POMK: variants seen among roughly 807,000 people sequenced by gnomAD.
The protein encoded by POMK is protein O-mannose kinase, also known as Sugen kinase 196.
POMK carries 19 observed loss-of-function variants against 23.0 expected under a neutral mutation model. The observed-to-expected ratio is 0.83, with a 90% CI of 0.58 to 1.21. The LOEUF (loss-of-function observed/expected upper bound fraction) is 1.21. POMK is among the 50% of genes most tolerant of loss of function. The pLI is 0.00. For missense variants in POMK, 410 were observed against 431.3 expected (o/e 0.95, Z 0.44); for synonymous variants, 173 against 171.6 (o/e 1.01, Z -0.06).
intron 2 of POMK, among the ~76,000 whole-genome samples, chr8:43,101,113 C>T (rs1165351475): frequency 4.6e-5 from 7 of 151,786 alleles, no homozygotes; most frequent in Admixed American, 6.6e-5. Context: ...TGAGTAGAGC[C>T]GTGGAGGGGA....
intron 1 of POMK, among the ~76,000 whole-genome samples, chr8:43,094,005 G>C (rs1811279515): frequency 6.6e-6 from 1 of 152,276 alleles, no homozygotes; most frequent in African/African-American, 2.4e-5. Flanking sequence ...GAACCCGGCG[G>C]GGGCGGAGGT....
At chr8:43,110,770 C>T (rs1026738676) in intron 4 of POMK, among the ~76,000 whole-genome samples, 3 of 152,064 alleles carry the variant, frequency 2.0e-5, no homozygotes, top group Non-Finnish European at 4.4e-5. Context: ...TAATATTAGC[C>T]GGGCGTTGTG....
intron 4 of POMK, among the ~76,000 whole-genome samples, chr8:43,113,895 G>A (rs1490141155): frequency 2.0e-5 from 3 of 152,224 alleles, no homozygotes; most frequent in Non-Finnish European, 2.9e-5. Flanking sequence ...TGTTTGCCTG[G>A]GTACCAGCAG....
intron 4 of POMK, among the ~76,000 whole-genome samples, chr8:43,114,497 T>C: frequency 6.6e-6 from 1 of 152,232 alleles, no homozygotes; most frequent in East Asian, 1.9e-4. Flanking sequence ...GCCCTGATTT[T>C]CCAGGTGCCG....
Position 43,122,351 on chromosome 8 carries a change from A to C in POMK, c.527A>C (p.Gln176Pro), listed in dbSNP as rs756972141. The change falls in exon 5 of 5, where the codon CAG becomes CCG. Residue 176 changes from glutamine to proline, a missense_variant. Transcript: ENST00000331373. ...AAGTACCAAAATGTGAACACGTGGCAGCACAGGCTGGAGCTGGCCATGGAC... is the reference window on the plus strand; with the variant it reads ...AAGTACCAAAATGTGAACACGTGGCCGCACAGGCTGGAGCTGGCCATGGAC... Reference protein sequence around the residue: ...LSKYQNVNTWQHRLELAMDYV... With the variant: ...LSKYQNVNTWPHRLELAMDYV... The C allele has an allele frequency of 6.2e-7, 1 of 1,614,242 alleles. No homozygotes were observed. Among genetic ancestry groups the C allele is most frequent in the East Asian group, 2.2e-5 (1 of 44,886 alleles).
chr8:43,118,313 ATG>A (rs1450956517), intron 4 of POMK, among the ~76,000 whole-genome samples: 1 of 152,210 alleles, frequency 6.6e-6, no homozygotes, highest in Non-Finnish European at 1.5e-5. Context: ...CAATGTATGT[ATG>A]TTATAACGCC....
intron 4 of POMK, among the ~76,000 whole-genome samples, chr8:43,105,329 C>T (rs140611131): frequency 1.2e-3 from 181 of 152,324 alleles, no homozygotes; most frequent in African/African-American, 4.2e-3. Context: ...CTCTGCCTAT[C>T]CTCGCCTTTG....
rs961206326 is a variant in POMK, at chr8:43,122,978, G to GT, written c.*109dup. Reference sequence around the variant, plus strand: ...TTTTGCCTGAGTTTCGTGTTTTATTGTTTTTTTTATGGCTTAGCCATGTGG... The same window carrying GT: ...TTTTGCCTGAGTTTCGTGTTTTATTGTTTTTTTTTATGGCTTAGCCATGTGG... On this transcript the variant is annotated 3_prime_UTR_variant, in exon 5 of 5. Transcript: ENST00000331373. 413 of 1,076,690 alleles carry GT rather than the reference G, an allele frequency of 3.8e-4. No homozygotes were observed. The highest frequency in any genetic ancestry group is 9.3e-4 in the Middle Eastern group (3 of 3,236). The allele number at this position is 1,076,690 out of a possible 1,614,324, so 66.7% of individuals were successfully genotyped here. A position where few individuals can be genotyped will look rare whatever the true frequency, so the allele number is the denominator to read the frequency against.
intron 4 of POMK, among the ~76,000 whole-genome samples, chr8:43,116,303 C>T (rs1355639687): frequency 6.6e-6 from 1 of 152,188 alleles, no homozygotes; most frequent in Non-Finnish European, 1.5e-5. Flanking sequence ...GACAGAGTCT[C>T]TCTCTTTTGC....
chr8:43,119,220 T>C (rs964989058), intron 4 of POMK, among the ~76,000 whole-genome samples: 2 of 152,086 alleles, frequency 1.3e-5, no homozygotes, highest in Non-Finnish European at 2.9e-5. Flanking sequence ...GTGGTGACCA[T>C]GCAGAGGTGG....
intron 4 of POMK, among the ~76,000 whole-genome samples, chr8:43,112,457 C>T (rs1052643123): frequency 3.9e-5 from 6 of 152,022 alleles, no homozygotes; most frequent in South Asian, 2.1e-4. Context: ...CTGAAGGTGA[C>T]GGGGAGAATG....
chr8:43,107,653 A>G (rs1563338297), intron 4 of POMK, among the ~76,000 whole-genome samples: 1 of 150,892 alleles, frequency 6.6e-6, no homozygotes, highest in African/African-American at 2.4e-5. Flanking sequence ...GATTACAGGC[A>G]TGAATCAGTA....
At position 43,103,602 on chromosome 8, in the gene POMK, G is replaced by A. The variant is rs201226142; in HGVS notation, c.54G>A (p.Pro18=). The A allele has an allele frequency of 4.5e-5, 72 of 1,613,724 alleles. No homozygotes were observed. The highest frequency in any genetic ancestry group is 1.2e-4 in the African/African-American group (9 of 74,796). Residue 18 remains proline (P), a synonymous_variant, in exon 4 of 5, where the codon CCG becomes CCA. Transcript: ENST00000331373. ...GAGGCCTCGCCCCCCGAGAGGTGCCGCCAGCTGTTGGGCTGCTGCTGATCA... is the reference window on the plus strand; with the variant it reads ...GAGGCCTCGCCCCCCGAGAGGTGCCACCAGCTGTTGGGCTGCTGCTGATCA... ...SRRGLAPREV[P]PAVGLLLIMA...
chr8:43,107,469 G>A (rs1434890622), intron 4 of POMK, among the ~76,000 whole-genome samples: 1 of 152,042 alleles, frequency 6.6e-6, no homozygotes, highest in African/African-American at 2.4e-5. Context: ...CCGCCTCCCG[G>A]GTTCAAGCAG....
intron 1 of POMK, among the ~76,000 whole-genome samples, chr8:43,096,854 T>A (rs1017539726): frequency 3.3e-5 from 5 of 152,190 alleles, no homozygotes; most frequent in African/African-American, 1.2e-4. Context: ...AATGTTGAGC[T>A]TTTAAAAAAA....
chr8:43,120,507 CACCGCACCCA>C (rs1460801412), intron 4 of POMK, among the ~76,000 whole-genome samples: 2 of 151,882 alleles, frequency 1.3e-5, no homozygotes, highest in East Asian at 3.9e-4. Flanking sequence ...AGGTATGAGC[CACCGCACCCA>C]GCCGTACCAT....
chr8:43,100,694 G>C (rs767349485), intron 2 of POMK, among the ~76,000 whole-genome samples: 7 of 152,036 alleles, frequency 4.6e-5, no homozygotes, highest in Non-Finnish European at 7.4e-5. Context: ...AGAGCTGGAG[G>C]GACCTCATGG....
At chr8:43,104,004 A>G (rs1009832273) in intron 4 of POMK, among the ~76,000 whole-genome samples, 174 bp downstream of exon 4, 19 of 152,216 alleles carry the variant, frequency 1.2e-4, no homozygotes, top group East Asian at 3.8e-4. Context: ...TATCTTGGCA[A>G]TTGTGAATAG....
intron 4 of POMK, among the ~76,000 whole-genome samples, chr8:43,108,215 G>T (rs932415305): frequency 6.6e-6 from 1 of 152,158 alleles, no homozygotes; most frequent in Non-Finnish European, 1.5e-5. Context: ...CCTGTACAGG[G>T]ACTGTGTAGA....
Sources: allele counts gnomAD v4.1 joint callset (sites outside exome capture counted in the v4.1 genomes callset), GRCh38; gene constraint gnomAD v4.1.1; transcripts MANE v1.5; gene names NCBI Gene and HGNC (gene_info 2026-07-23, HGNC 2026-07-21).